The following PCDH9 variants were observed in gnomAD, a reference collection of about 807,000 sequenced individuals.
PCDH9 encodes protocadherin 9.
In PCDH9, 24 loss-of-function variants were observed where a neutral mutation model predicts 70.6. The observed-to-expected ratio is 0.34, with a 90% CI of 0.25 to 0.48. The LOEUF (loss-of-function observed/expected upper bound fraction) is 0.48. Among genes scored for constraint, PCDH9 ranks in the 20% least tolerant of loss-of-function variants. The pLI is 0.99. For missense variants in PCDH9, 1,281 were observed against 1,503.6 expected (o/e 0.85, Z 2.45); for synonymous variants, 562 against 558.5 (o/e 1.01, Z -0.09).
At chr13:67,052,163 A>T (rs2085336403) in intron 2 of PCDH9, among the ~76,000 whole-genome samples, 1 of 152,110 alleles carries the variant, frequency 6.6e-6, no homozygotes, top group South Asian at 2.1e-4. Flanking sequence ...ACTCTGGGAG[A>T]TATCAATAAG....
At chr13:66,536,054 A>G (rs756159903) in intron 4 of PCDH9, among the ~76,000 whole-genome samples, 4 of 152,090 alleles carry the variant, frequency 2.6e-5, no homozygotes, top group Non-Finnish European at 4.4e-5. Flanking sequence ...TCACACGTGT[A>G]TCTGCTCCTC....
At chr13:66,584,523 A>T (rs997621269) in intron 4 of PCDH9, among the ~76,000 whole-genome samples, 2 of 152,164 alleles carry the variant, frequency 1.3e-5, no homozygotes, top group African/African-American at 4.8e-5. Context: ...ATCCTTAAAT[A>T]AGTGATTCAT....
At chr13:66,660,080 T>C (rs1377011815) in intron 3 of PCDH9, among the ~76,000 whole-genome samples, 4 of 152,202 alleles carry the variant, frequency 2.6e-5, no homozygotes, top group Non-Finnish European at 5.9e-5. Context: ...GAGTTGAAAG[T>C]GATAACACAC....
intron 3 of PCDH9, among the ~76,000 whole-genome samples, chr13:66,888,581 G>A (rs1234228450): frequency 6.6e-6 from 1 of 151,632 alleles, no homozygotes; most frequent in Non-Finnish European, 1.5e-5. Flanking sequence ...TTTAAAAAGA[G>A]GAAAGAAAAT....
intron 2 of PCDH9, among the ~76,000 whole-genome samples, chr13:67,113,459 T>C (rs940385601): frequency 6.6e-6 from 1 of 152,178 alleles, no homozygotes; most frequent in East Asian, 1.9e-4. Context: ...TTGCAAGTAA[T>C]ATAAGACTGT....
intron 4 of PCDH9, among the ~76,000 whole-genome samples, chr13:66,322,575 G>T (rs899536343): frequency 4.6e-5 from 7 of 151,958 alleles, no homozygotes; most frequent in African/African-American, 1.7e-4. Flanking sequence ...AGAGAATCAG[G>T]CACAGGCCAC....
At chr13:66,875,313 A>G (rs1015413338) in intron 3 of PCDH9, among the ~76,000 whole-genome samples, 1 of 152,222 alleles carries the variant, frequency 6.6e-6, no homozygotes, top group Admixed American at 6.5e-5. Context: ...TGTGTGAAAA[A>G]TTAATTTCAT....
chr13:66,391,919 TACAC>T (rs981371718), intron 4 of PCDH9, among the ~76,000 whole-genome samples: 5 of 150,084 alleles, frequency 3.3e-5, no homozygotes, highest in Non-Finnish European at 4.4e-5. Flanking sequence ...TGTGCATACA[TACAC>T]ACAATCACAC....
intron 4 of PCDH9, among the ~76,000 whole-genome samples, chr13:66,326,792 A>G (rs1282000852): frequency 6.6e-6 from 1 of 152,158 alleles, no homozygotes; most frequent in Non-Finnish European, 1.5e-5. Flanking sequence ...AATTTTATCC[A>G]ATTTTTAAGC....
At chr13:66,410,282 A>G (rs1382059673) in intron 4 of PCDH9, among the ~76,000 whole-genome samples, 1 of 151,840 alleles carries the variant, frequency 6.6e-6, no homozygotes, top group Non-Finnish European at 1.5e-5. Flanking sequence ...TTCTCTATAT[A>G]AGGATTAGTA....
chr13:66,561,174 C>A (rs1006749601), intron 4 of PCDH9, among the ~76,000 whole-genome samples: 1 of 152,212 alleles, frequency 6.6e-6, no homozygotes, highest in South Asian at 2.1e-4. Flanking sequence ...CGGCTGGCCC[C>A]GCCACCGGGG....
At chr13:66,952,846 G>A (rs886982961) in intron 2 of PCDH9, among the ~76,000 whole-genome samples, 3 of 152,002 alleles carry the variant, frequency 2.0e-5, no homozygotes, top group South Asian at 2.1e-4. Flanking sequence ...TAAACATACC[G>A]GGACCGATAC....
intron 2 of PCDH9, among the ~76,000 whole-genome samples, chr13:67,093,398 G>C (rs2086256799): frequency 6.6e-6 from 1 of 152,084 alleles, no homozygotes; most frequent in Admixed American, 6.6e-5. Flanking sequence ...AGGTTGCAGT[G>C]AGCTAAGATT....
At chr13:66,813,258 C>T (rs1442170297) in intron 3 of PCDH9, among the ~76,000 whole-genome samples, 2 of 152,068 alleles carry the variant, frequency 1.3e-5, no homozygotes, top group African/African-American at 4.8e-5. Flanking sequence ...TAAAGTAATT[C>T]CGACAGCAAT....
intron 3 of PCDH9, among the ~76,000 whole-genome samples, chr13:66,800,246 G>A (rs1315201133): frequency 2.6e-5 from 4 of 151,740 alleles, no homozygotes; most frequent in Admixed American, 6.6e-5. Flanking sequence ...CCCCCAGCCC[G>A]GGATCTATTT....
At chr13:67,078,087 G>A (rs2085913961) in intron 2 of PCDH9, among the ~76,000 whole-genome samples, 1 of 152,086 alleles carries the variant, frequency 6.6e-6, no homozygotes, top group African/African-American at 2.4e-5. Flanking sequence ...GATGGCTGAG[G>A]TGTCCATGGA....
intron 4 of PCDH9, among the ~76,000 whole-genome samples, chr13:66,306,712 A>T (rs193140897): frequency 6.6e-6 from 1 of 151,934 alleles, no homozygotes; most frequent in East Asian, 1.9e-4. Flanking sequence ...TCAAGAGCAA[A>T]CAGTTTTATT....
chr13:66,330,324 C>G (rs559552390), intron 4 of PCDH9, among the ~76,000 whole-genome samples: 1 of 152,338 alleles, frequency 6.6e-6, no homozygotes, highest in Admixed American at 6.5e-5. Context: ...GTGGGGAGAT[C>G]TTCTGTTTCC....
intron 3 of PCDH9, among the ~76,000 whole-genome samples, chr13:66,664,740 G>T (rs1015001265): frequency 1.3e-5 from 2 of 151,954 alleles, no homozygotes; most frequent in African/African-American, 4.8e-5. Flanking sequence ...GCCTGTATGT[G>T]TCCACTCTAT....
Sources: allele counts gnomAD v4.1 joint callset (sites outside exome capture counted in the v4.1 genomes callset), GRCh38; gene constraint gnomAD v4.1.1; transcripts MANE v1.5; gene names NCBI Gene and HGNC (gene_info 2026-07-23, HGNC 2026-07-21).